The following GNA11 variants were observed in gnomAD, a reference collection of about 807,000 sequenced individuals.
GNA11 encodes the protein G protein subunit alpha 11.
In GNA11, 8 loss-of-function variants were observed where a neutral mutation model predicts 38.2. The ratio of observed to expected loss-of-function variants is 0.21; its 90% CI spans 0.12 to 0.38. GNA11 has a LOEUF of 0.38. GNA11 is among the 10% of genes least tolerant of loss of function. GNA11 has a pLI of 1.00. For synonymous variants in GNA11, 211 were observed against 221.4 expected, an observed-to-expected ratio of 0.95 and a Z score of 0.42; for missense variants, 268 against 516.3, an observed-to-expected ratio of 0.52 and a Z score of 4.66.
rs2145318411 is a variant in GNA11, at chr19:3,113,330, G to A, written c.322G>A (p.Ala108Thr). The A allele has an allele frequency of 6.2e-7, 1 of 1,613,110 alleles. No homozygotes were observed. The highest frequency in any genetic ancestry group is 8.5e-7 in the Non-Finnish European group (1 of 1,179,792). Residue 108 changes from alanine (A) to threonine (T), a missense_variant and splice_region_variant, in exon 3 of 7, where the codon GCC becomes ACC. Ala to Thr is a moderately conservative substitution (Grantham distance 58). Around this residue, in one of 3 missense-constraint regions of GNA11, gnomAD observed 151 missense variants for 254.0 expected, o/e 0.59. Coordinates refer to ENST00000078429, the MANE Select transcript of GNA11 (RefSeq NM_002067.5). Reference protein sequence around the residue: ...KILYKYEQNKANALLIREVDV... With the variant: ...KILYKYEQNKTNALLIREVDV... ...ACGTCTCCCCTGCCCGCCCTCGCAG[G>A]CCAATGCGCTCCTGATCCGGGAGGT...
At position 3,121,154 on chromosome 19, in the gene GNA11, A is replaced by C. The variant is rs376124717; in HGVS notation, c.1055A>C (p.Asn352Thr). ...AAVKDTILQL[N>T]LKEYNLV ...GTGAAGGACACCATCCTGCAGCTCA[A>C]CCTCAAGGAGTACAACCTGGTCTGA... The change falls in exon 7 of 7, where the codon AAC becomes ACC. Residue 352 changes from asparagine to threonine, a missense_variant. By Grantham distance (65) the Asn-to-Thr change is moderately conservative (BLOSUM62 0). Transcript: ENST00000078429. 6.2e-7 allele frequency: 1 copy of C among 1,613,538 alleles called. No homozygotes were observed. Among genetic ancestry groups the C allele is most frequent in the South Asian group, 1.1e-5 (1 of 91,084 alleles).
At chr19:3,114,786 G>T (rs570433810) in intron 3 of GNA11, among the ~76,000 whole-genome samples, 158 bp from the exon 4 acceptor site, 1 of 152,286 alleles carries the variant, frequency 6.6e-6, no homozygotes, top group East Asian at 1.9e-4. Context: ...CCATTGGCCC[G>T]AGCCCTCCGG....
At chr19:3,106,345 G>A (rs941755508) in intron 1 of GNA11, among the ~76,000 whole-genome samples, 3 of 152,226 alleles carry the variant, frequency 2.0e-5, no homozygotes, top group Non-Finnish European at 4.4e-5. Flanking sequence ...CTGAGTTGGC[G>A]CGGGGAGACA....
rs1174726781 is a variant in GNA11, at chr19:3,123,205, G to A, written c.*2026G>A. 8.6e-6 allele frequency: 2 copies of A among 233,372 alleles called. No individual in the cohort carries two copies. The highest frequency in any genetic ancestry group is 1.7e-5 in the Non-Finnish European group (2 of 118,124). 14.5% of individuals were successfully genotyped at this position (233,372 alleles called of 1,614,324 possible). On this transcript the variant is annotated 3_prime_UTR_variant, in exon 7 of 7. Coordinates refer to ENST00000078429, the MANE Select transcript of GNA11 (RefSeq NM_002067.5). ...CAAGGTGACCTGGCCGTGGCCTGAG[G>A]GTGGAGTCGCCCAGCACGCAGGCCG...
intron 1 of GNA11, among the ~76,000 whole-genome samples, chr19:3,107,155 G>A (rs1568281067): frequency 6.6e-6 from 1 of 152,162 alleles, no homozygotes; most frequent in Admixed American, 6.5e-5. Flanking sequence ...AGAAACACTT[G>A]GGCCCGGGAG....
Position 3,094,925 on chromosome 19 carries a change from C to A in GNA11, c.136+138C>A. On this transcript the variant is annotated intron_variant, in intron 1 of 6. Transcript: ENST00000078429. This position sits in a 1 kb window ranked among gnomAD's most constrained non-coding sequence, Gnocchi z 6.0. ...GTCGCGAGACCCTCCGGGGTCAGCC[C>A]TGCCTGTGCCTTCCCTGCCTGTCCG... The A allele has an allele frequency of 1.8e-6, 1 of 542,962 alleles. No individual in the cohort carries two copies. Among genetic ancestry groups the A allele is most frequent in the Non-Finnish European group, 3.0e-6 (1 of 330,128 alleles). The allele number at this position is 542,962 out of a possible 1,614,324, so 33.6% of individuals were successfully genotyped here. A position where few individuals can be genotyped will look rare whatever the true frequency, so the allele number is the denominator to read the frequency against.
chr19:3,096,820 C>T (rs1306683925), intron 1 of GNA11, among the ~76,000 whole-genome samples: 1 of 152,110 alleles, frequency 6.6e-6, no homozygotes, highest in Non-Finnish European at 1.5e-5. Context: ...AAGATGTGAG[C>T]TCACGTGCGA....
chr19:3,100,324 C>A (rs546768432), intron 1 of GNA11, among the ~76,000 whole-genome samples: 14 of 152,342 alleles, frequency 9.2e-5, no homozygotes, highest in Non-Finnish European at 2.1e-4. Context: ...CCCCAGACAT[C>A]GCCTAGTGTC....
intron 1 of GNA11, among the ~76,000 whole-genome samples, chr19:3,099,462 A>C (rs1285077622): frequency 6.6e-6 from 1 of 152,134 alleles, no homozygotes; most frequent in Non-Finnish European, 1.5e-5. Context: ...CCGGGATCCT[A>C]AGTGCCGGTT....
chr19:3,109,166 A>G (rs1913704323), intron 1 of GNA11, among the ~76,000 whole-genome samples: 1 of 152,176 alleles, frequency 6.6e-6, no homozygotes, highest in Non-Finnish European at 1.5e-5. Context: ...ACACTGGAAA[A>G]CCCAGCATTG....
chr19:3,103,940 C>T (rs1772222272), intron 1 of GNA11, among the ~76,000 whole-genome samples: 1 of 152,180 alleles, frequency 6.6e-6, no homozygotes, highest in African/African-American at 2.4e-5. Context: ...CCACCTTGGC[C>T]TCCCAAAGTG....
chr19:3,118,911 T>C lies in GNA11; in HGVS notation c.606-13T>C, dbSNP rs2145325831. 1 of 1,607,144 alleles carries C rather than the reference T, an allele frequency of 6.2e-7. No homozygotes were observed. Among genetic ancestry groups the C allele is most frequent in the Non-Finnish European group, 8.5e-7 (1 of 1,178,788 alleles). On this transcript the variant is annotated splice_polypyrimidine_tract_variant and intron_variant, in intron 4 of 6. Transcript: ENST00000078429. ...GCGCCAGGTGGCTGAGTCCTGGCGC[T>C]GTGTCCTTTCAGGATGGTGGATGTG...
chr19:3,111,129 G>C (rs997004031), intron 2 of GNA11, among the ~76,000 whole-genome samples: 1 of 150,344 alleles, frequency 6.7e-6, no homozygotes, highest in Non-Finnish European at 1.5e-5. Flanking sequence ...TTTTGATAAA[G>C]TAGAGGTCAT....
intron 2 of GNA11, among the ~76,000 whole-genome samples, chr19:3,112,067 A>G (rs1913788471): frequency 6.6e-6 from 1 of 151,572 alleles, no homozygotes; most frequent in Non-Finnish European, 1.5e-5. Context: ...CATTTCTGCC[A>G]TGTTGCCCAT....
At position 3,123,870 on chromosome 19, in the gene GNA11, G is replaced by A. The variant is rs1914150649; in HGVS notation, c.*2691G>A. ...GTTGGGGATGGGAGGAGGGGCTGAG[G>A]AGCGGCTCAGTGTCACCTCCCACAG... On this transcript the variant is annotated 3_prime_UTR_variant, in exon 7 of 7. Coordinates refer to ENST00000078429, the MANE Select transcript of GNA11 (RefSeq NM_002067.5). 2 of 232,562 alleles carry A rather than the reference G, an allele frequency of 8.6e-6. No individual in the cohort carries two copies. Among genetic ancestry groups the A allele is most frequent in the African/African-American group, 2.2e-5 (1 of 45,316 alleles). 14.4% of individuals were successfully genotyped at this position (232,562 alleles called of 1,614,324 possible). A position where few individuals can be genotyped will look rare whatever the true frequency, so the allele number is the denominator to read the frequency against.
intron 1 of GNA11, among the ~76,000 whole-genome samples, chr19:3,109,866 G>A (rs999421397): frequency 3.9e-5 from 6 of 152,220 alleles, no homozygotes; most frequent in East Asian, 1.9e-4. Context: ...GGTCTTTGAC[G>A]TAAATACCAA....
At chr19:3,100,703 G>T (rs1315741500) in intron 1 of GNA11, among the ~76,000 whole-genome samples, 1 of 152,150 alleles carries the variant, frequency 6.6e-6, no homozygotes, top group Non-Finnish European at 1.5e-5. Flanking sequence ...GGCCTGGGCT[G>T]CCCTGGGCTG....
Position 3,121,183 on chromosome 19 carries a change from C to A in GNA11, c.*4C>A, listed in dbSNP as rs1453291476. ...CAAGGAGTACAACCTGGTCTGAGCG[C>A]CCAGGCCCAGGGAGACGGGATGGAG... is the stretch of plus-strand genomic sequence containing the variant. On this transcript the variant is annotated 3_prime_UTR_variant, in exon 7 of 7. Transcript: ENST00000078429. The A allele has an allele frequency of 1.2e-6, 2 of 1,608,206 alleles. No individual in the cohort carries two copies.
At chr19:3,115,672 G>T (rs1174439874) in intron 4 of GNA11, among the ~76,000 whole-genome samples, 2 of 150,992 alleles carry the variant, frequency 1.3e-5, no homozygotes, top group African/African-American at 2.4e-5. Flanking sequence ...CGGAGCAGGG[G>T]GTGCCGCATG....
Sources: allele counts gnomAD v4.1 joint callset (sites outside exome capture counted in the v4.1 genomes callset), GRCh38; gene constraint gnomAD v4.1.1; regional missense constraint gnomAD v4.1.1; non-coding constraint Gnocchi (gnomAD v3.1); transcripts MANE v1.5; gene names NCBI Gene and HGNC (gene_info 2026-07-23, HGNC 2026-07-21).